The following ARMH3 variants were observed in gnomAD, a reference collection of about 807,000 sequenced individuals.
The protein encoded by ARMH3 is armadillo like helical domain containing 3.
In ARMH3, 60 loss-of-function variants were observed where a neutral mutation model predicts 99.1. That is an observed-to-expected ratio of 0.61 (90% CI 0.49 to 0.75). ARMH3 has a LOEUF of 0.75. Ranked by LOEUF, ARMH3 falls within the 30% of genes least tolerant of loss-of-function variation. The pLI is 0.00. For missense variants in ARMH3, 679 were observed against 843.1 expected, an observed-to-expected ratio of 0.81 and a Z score of 2.41; for synonymous variants, 285 against 292.8, an observed-to-expected ratio of 0.97 and a Z score of 0.27.
chr10:101,989,385 A>G (rs1846662773), intron 19 of ARMH3, among the ~76,000 whole-genome samples: 1 of 152,010 alleles, frequency 6.6e-6, no homozygotes, highest in African/African-American at 2.4e-5. Context: ...AAAAGAAAAT[A>G]TGATGATTCT....
At chr10:101,978,872 C>T (rs1380425667) in intron 19 of ARMH3, among the ~76,000 whole-genome samples, 2 of 151,500 alleles carry the variant, frequency 1.3e-5, no homozygotes, top group African/African-American at 2.4e-5. Flanking sequence ...CCCGGGAGGT[C>T]GAAGTTGCAG....
chr10:102,010,080 A>AT, intron 11 of ARMH3, 57 bp from the exon 12 acceptor site: 1 of 1,525,726 alleles, frequency 6.6e-7, no homozygotes, highest in Non-Finnish European at 9.1e-7. Context: ...GAGGAGCTTT[A>AT]TGCCTAGGAA....
At chr10:101,886,493 G>C (rs990088759) in intron 24 of ARMH3, among the ~76,000 whole-genome samples, 1 of 152,120 alleles carries the variant, frequency 6.6e-6, no homozygotes, top group Non-Finnish European at 1.5e-5. Flanking sequence ...CTGGGTGACA[G>C]AGTGAGACTC....
At chr10:102,049,907 A>G (rs914857393) in intron 1 of ARMH3, among the ~76,000 whole-genome samples, 3 of 152,156 alleles carry the variant, frequency 2.0e-5, no homozygotes, top group African/African-American at 7.2e-5. Flanking sequence ...TAACACAACT[A>G]GTAAGTGATA....
At chr10:101,931,948 C>A (rs1371945713) in intron 23 of ARMH3, among the ~76,000 whole-genome samples, 11 of 152,152 alleles carry the variant, frequency 7.2e-5, no homozygotes, top group Non-Finnish European at 1.5e-5. Flanking sequence ...CATCAAAGGA[C>A]ACCATCAATG....
intron 5 of ARMH3, among the ~76,000 whole-genome samples, chr10:102,029,167 G>A (rs1337621220): frequency 3.3e-5 from 5 of 152,168 alleles, no homozygotes; most frequent in Admixed American, 6.5e-5. Flanking sequence ...GAGCCATGGC[G>A]CCTGGTCAGA....
intron 23 of ARMH3, among the ~76,000 whole-genome samples, chr10:101,922,666 A>G (rs1843350079): frequency 6.6e-6 from 1 of 152,206 alleles, no homozygotes; most frequent in Admixed American, 6.5e-5. Context: ...CATAAGTAGG[A>G]AATTAGTTCA....
chr10:101,876,619 CACAGTTAATA>C (rs1362903430), intron 24 of ARMH3, among the ~76,000 whole-genome samples: 2 of 152,252 alleles, frequency 1.3e-5, no homozygotes, highest in African/African-American at 4.8e-5. Flanking sequence ...TTCCAATCAA[CACAGTTAATA>C]ATAGAGATAC....
intron 19 of ARMH3, among the ~76,000 whole-genome samples, chr10:101,982,726 G>T (rs896634401): frequency 1.3e-5 from 2 of 151,986 alleles, no homozygotes; most frequent in East Asian, 3.9e-4. Context: ...GCATGCAAGG[G>T]ATCTAGGTTG....
intron 2 of ARMH3, among the ~76,000 whole-genome samples, chr10:102,036,400 C>A (rs931774810): frequency 6.6e-6 from 1 of 152,160 alleles, no homozygotes; most frequent in Non-Finnish European, 1.5e-5. Flanking sequence ...TAAGAACGGG[C>A]CATGATGACG....
intron 19 of ARMH3, among the ~76,000 whole-genome samples, chr10:101,987,708 CT>C (rs1311051369): frequency 6.6e-6 from 1 of 152,124 alleles, no homozygotes; most frequent in African/African-American, 2.4e-5. Context: ...CTTAGATTAA[CT>C]GCTTTGGGGA....
rs201264516 is a variant in ARMH3 at position 101,914,465 on chromosome 10, G to T, written c.1782-24975C>A. Among the ~76,000 whole-genome samples, 26 of 146,016 alleles carry T rather than the reference G, an allele frequency of 1.8e-4. No individual in the cohort carries two copies. The East Asian group carries it at 5.4e-3, about 30-fold the overall frequency. The stretch of plus-strand genomic sequence containing the variant: ...ATCACACCACTGTGCTCCAGCCTGG[G>T]CCACAGAGCGAGACTCTGTCTCAAA... On this transcript the variant is annotated intron_variant, in intron 23 of 25. Transcript: ENST00000370033.
intron 8 of ARMH3, among the ~76,000 whole-genome samples, chr10:102,018,865 G>A (rs952507443): frequency 2.6e-5 from 4 of 152,086 alleles, no homozygotes; most frequent in Non-Finnish European, 5.9e-5. Context: ...GCTGAGGCAG[G>A]AGGATCATTA....
At chr10:102,039,396 C>T (rs2067355255) in intron 2 of ARMH3, among the ~76,000 whole-genome samples, 1 of 152,114 alleles carries the variant, frequency 6.6e-6, no homozygotes, top group Non-Finnish European at 1.5e-5. Context: ...ACCCACCTCA[C>T]CCTCCCAAAG....
chr10:101,898,525 C>T (rs1264195645), intron 23 of ARMH3, among the ~76,000 whole-genome samples: 3 of 152,226 alleles, frequency 2.0e-5, no homozygotes, highest in South Asian at 2.1e-4. Context: ...CAGAACATGG[C>T]GATTGTTTCA....
intron 22 of ARMH3, among the ~76,000 whole-genome samples, chr10:101,948,366 T>C (rs1171242451): frequency 6.6e-6 from 1 of 152,186 alleles, no homozygotes; most frequent in African/African-American, 2.4e-5. Flanking sequence ...ATAGCCACTG[T>C]AGTCAAGCTA....
intron 15 of ARMH3, among the ~76,000 whole-genome samples, chr10:102,000,362 A>C (rs1243996123): frequency 6.6e-6 from 1 of 152,090 alleles, no homozygotes; most frequent in Non-Finnish European, 1.5e-5. Context: ...GAGCAGTCAA[A>C]TTTATAGAGG....
intron 19 of ARMH3, among the ~76,000 whole-genome samples, chr10:101,977,436 A>T (rs10786658): frequency 0.56 from 85,064 of 151,934 alleles, 24,075 homozygotes; most frequent in East Asian, 0.76. Flanking sequence ...ATAAAAAAAA[A>T]TTCAATGATT....
chr10:102,024,645 T>C (rs2066960039), intron 6 of ARMH3, among the ~76,000 whole-genome samples: 1 of 147,590 alleles, frequency 6.8e-6, no homozygotes, highest in African/African-American at 2.5e-5. Context: ...ACCCCATCTC[T>C]ACTAAAAGTA....
Sources: gnomAD v4.1 joint callset for allele counts (sites outside exome capture counted in the v4.1 genomes callset) on GRCh38, gnomAD v4.1.1 for gene constraint, MANE v1.5 for transcripts, NCBI Gene and HGNC (gene_info 2026-07-23, HGNC 2026-07-21) for gene names.